The following ALDH1B1 variants were observed in gnomAD, a reference collection of about 807,000 sequenced individuals.
ALDH1B1 encodes aldehyde dehydrogenase family 1 member B1, mitochondrial.
In ALDH1B1, 19 loss-of-function variants were observed where a neutral mutation model predicts 26.2. The observed-to-expected ratio is 0.72, with a 90% CI of 0.51 to 1.06. ALDH1B1 has a LOEUF of 1.06. Among genes scored for constraint, ALDH1B1 ranks in the 50% least tolerant of loss-of-function variants. The pLI, the probability that ALDH1B1 is intolerant of heterozygous loss-of-function variation, is 0.00. For synonymous variants in ALDH1B1, 249 were observed against 286.0 expected (o/e 0.87, Z 1.31); for missense variants, 671 against 683.1 (o/e 0.98, Z 0.20).
chr9:38,395,943 T>C lies in ALDH1B1; in HGVS notation c.195T>C (p.Ile65=), dbSNP rs2228094. The change falls in exon 2 of 2, where the codon ATT becomes ATC. Residue 65 remains isoleucine (I), a synonymous_variant. Transcript: ENST00000377698. ...TCAACCCTACCACCGGGGAGGTCAT[T>C]GGGCACGTGGCTGAAGGTGACCGGG... is the stretch of plus-strand genomic sequence containing the variant. ...PTVNPTTGEV[I]GHVAEGDRAD... 0.96 allele frequency: 1,541,815 copies of C among 1,613,730 alleles called. 737,048 individuals carry two copies. Among genetic ancestry groups the C allele is most frequent in the East Asian group, 1 (44,861 of 44,862 alleles).
Position 38,396,721 on chromosome 9 carries a change from A to C in ALDH1B1, c.973A>C (p.Thr325Pro), listed in dbSNP as rs903557686. Residue 325 changes from threonine (T) to proline (P), a missense_variant, in exon 2 of 2, where the codon ACC becomes CCC. Transcript: ENST00000377698. ...CCAGTGCTGCTGTGCTGGCTCCCGG[A>C]CCTTCGTGGAAGAATCCATCTACAA... ...MGQCCCAGSR[T>P]FVEESIYNEF... 3 of 1,614,184 alleles carry C rather than the reference A, an allele frequency of 1.9e-6. No individual in the cohort carries two copies. In the Admixed American group the frequency reaches 5.0e-5, roughly 27 times the overall value.
chr9:38,394,070 G>A (rs1821235664), intron 1 of ALDH1B1, among the ~76,000 whole-genome samples: 1 of 152,128 alleles, frequency 6.6e-6, no homozygotes, highest in African/African-American at 2.4e-5. Flanking sequence ...CCAGCCAATG[G>A]GGAAAGGGTA....
intron 1 of ALDH1B1, among the ~76,000 whole-genome samples, chr9:38,393,823 C>CCCTTTTTTTTTTTTTTTTT (rs201502708): frequency 6.7e-6 from 1 of 148,574 alleles, no homozygotes; most frequent in Non-Finnish European, 1.5e-5. Flanking sequence ...GTATCCCCCC[C>CCCTTTTTTTTTTTTTTTTT]TTTTTTTTTT....
In ALDH1B1 at chr9:38,392,725, C is replaced by G; in HGVS notation, c.-92C>G. ...GCGGAGGCGGGACCTGCGGCCAGCC[C>G]TGGGCGGCCATGTGGACAGAGCTGG... On this transcript the variant is annotated 5_prime_UTR_variant, in exon 1 of 2. Coordinates refer to ENST00000377698, the MANE Select transcript of ALDH1B1 (RefSeq NM_000692.5). 1.0e-6 allele frequency: 1 copy of G among 985,612 alleles called. No homozygotes were observed. Among genetic ancestry groups the G allele is most frequent in the Non-Finnish European group, 1.2e-6 (1 of 830,064 alleles). The allele number at this position is 985,612 out of a possible 1,614,324, so 61.1% of individuals were successfully genotyped here.
Position 38,396,500 on chromosome 9 carries a change from A to G in ALDH1B1, c.752A>G (p.Gln251Arg). ...CCAACAGCAGGTGCGGCCATCGCCC[A>G]GCACGTGGATGTTGACAAAGTTGCC... ...YGPTAGAAIA[Q>R]HVDVDKVAFT... The change falls in exon 2 of 2, where the codon CAG (glutamine) becomes CGG (arginine). Residue 251 changes from glutamine to arginine, a missense_variant. Physicochemically the swap from Gln to Arg is conservative, Grantham distance 43 (BLOSUM62 1). Coordinates refer to ENST00000377698, the MANE Select transcript of ALDH1B1 (RefSeq NM_000692.5). The G allele has an allele frequency of 1.2e-6, 2 of 1,613,980 alleles. No homozygotes were observed.
chr9:38,396,119 C>A lies in ALDH1B1; in HGVS notation c.371C>A (p.Thr124Asn). 1 of 1,614,192 alleles carries A rather than the reference C, an allele frequency of 6.2e-7. No individual in the cohort carries two copies. The highest frequency in any genetic ancestry group is 1.3e-5 in the African/African-American group (1 of 75,050). The change falls in exon 2 of 2, where the codon ACC (threonine) becomes AAC (asparagine). Residue 124 changes from threonine (T) to asparagine (N), a missense_variant. By Grantham distance (65) the Thr-to-Asn change is moderately conservative (BLOSUM62 0). Transcript: ENST00000377698. ...CGAGTCTACTTGGCCTCACTCGAGA[C>A]CTTGGACAATGGGAAGCCTTTCCAA... ...RDRVYLASLE[T>N]LDNGKPFQES... is the part of the protein sequence containing the mutation.
Position 38,396,959 on chromosome 9 carries a change from G to C in ALDH1B1, c.1211G>C (p.Gly404Ala), listed in dbSNP as rs545758854. The change falls in exon 2 of 2, where the codon GGT becomes GCT. Residue 404 changes from glycine (G) to alanine (A), a missense_variant. Coordinates refer to ENST00000377698, the MANE Select transcript of ALDH1B1 (RefSeq NM_000692.5). The stretch of plus-strand genomic sequence containing the variant: ...TTCTTCATCAAGCCTACTGTCTTTG[G>C]TGGCGTGCAGGATGACATGAGAATT... ...RGFFIKPTVF[G>A]GVQDDMRIAK... 6.2e-7 allele frequency: 1 copy of C among 1,614,186 alleles called. No individual in the cohort carries two copies. Among genetic ancestry groups the C allele is most frequent in the South Asian group, 1.1e-5 (1 of 91,082 alleles).
rs1480635110 is a variant in ALDH1B1 at position 38,397,420 on chromosome 9, G to T, written c.*118G>T. 3.0e-6 allele frequency: 4 copies of T among 1,336,154 alleles called. No individual in the cohort carries two copies. Among genetic ancestry groups the T allele is most frequent in the Non-Finnish European group, 4.0e-6 (4 of 996,768 alleles). 82.8% of individuals were successfully genotyped at this position (1,336,154 alleles called of 1,614,324 possible). ...TTTCTTTGTTCCAAATTAACTCTTAGAAGAAACCCCACAAATAAAGCAATT... is the reference window on the plus strand; with the variant it reads ...TTTCTTTGTTCCAAATTAACTCTTATAAGAAACCCCACAAATAAAGCAATT... On this transcript the variant is annotated 3_prime_UTR_variant, in exon 2 of 2. Transcript: ENST00000377698.
Position 38,397,475 on chromosome 9 carries a change from A to T in ALDH1B1, c.*173A>T. 1 of 1,005,874 alleles carries T rather than the reference A, an allele frequency of 9.9e-7. No individual in the cohort carries two copies. Among genetic ancestry groups the T allele is most frequent in the Non-Finnish European group, 1.4e-6 (1 of 702,168 alleles). 62.3% of individuals were successfully genotyped at this position (1,005,874 alleles called of 1,614,324 possible). On this transcript the variant is annotated 3_prime_UTR_variant, in exon 2 of 2. Coordinates refer to ENST00000377698, the MANE Select transcript of ALDH1B1 (RefSeq NM_000692.5). ...CAAGGCTGTTCTATTTAAATCAGAG[A>T]TGGGGACCAGGCTCAGAGTTCTACC...
chr9:38,395,371 G>C (rs1472537954), intron 1 of ALDH1B1, among the ~76,000 whole-genome samples: 1 of 152,196 alleles, frequency 6.6e-6, no homozygotes, highest in Non-Finnish European at 1.5e-5. Flanking sequence ...GGGGGAGACA[G>C]ACAAACATAT....
At chr9:38,395,710 T>A (rs369811934) in intron 1 of ALDH1B1, 30 bp from the exon 2 acceptor site, 801 of 1,537,076 alleles carry the variant, frequency 5.2e-4, no homozygotes, top group Non-Finnish European at 6.6e-4. Flanking sequence ...CTCCCACCTG[T>A]TCACCCTGGT....
In ALDH1B1 at chr9:38,397,163, C is replaced by T. The variant is rs863223907; in HGVS notation, c.1415C>T (p.Thr472Ile). The change falls in exon 2 of 2, where the codon ACC (threonine) becomes ATC (isoleucine). Residue 472 changes from threonine (T) to isoleucine (I), a missense_variant. Coordinates refer to ENST00000377698, the MANE Select transcript of ALDH1B1 (RefSeq NM_000692.5). ...ALQAGTVWVN[T>I]YNIVTCHTPF... ...CAGGCCGGGACCGTGTGGGTAAACA[C>T]CTACAACATCGTCACCTGCCACACG... 3.1e-6 allele frequency: 5 copies of T among 1,614,028 alleles called. No homozygotes were observed. In the Admixed American group the frequency reaches 5.0e-5, roughly 16 times the overall value.
Position 38,397,510 on chromosome 9 carries a change from C to T in ALDH1B1, c.*208C>T. On this transcript the variant is annotated 3_prime_UTR_variant, in exon 2 of 2. Coordinates refer to ENST00000377698, the MANE Select transcript of ALDH1B1 (RefSeq NM_000692.5). ...GGCTCAGAGTTCTACCTATCTAACC[C>T]CCAACCACAGCCCCCTTGGTGGCCC... The T allele has an allele frequency of 1.4e-6, 1 of 713,060 alleles. No homozygotes were observed. Among genetic ancestry groups the T allele is most frequent in the South Asian group, 2.4e-5 (1 of 41,116 alleles). 44.2% of individuals were successfully genotyped at this position (713,060 alleles called of 1,614,324 possible). A position where few individuals can be genotyped will look rare whatever the true frequency, so the allele number is the denominator to read the frequency against.
chr9:38,396,305 A>T lies in ALDH1B1; in HGVS notation c.557A>T (p.Asn186Ile). ...GTCTGTGGCCAGATCATCCCGTGGA[A>T]CTTCCCCTTGGTCATGCAGGGTTGG... ...VGVCGQIIPWNFPLVMQGWKL... is the reference protein window; with the variant it reads ...VGVCGQIIPWIFPLVMQGWKL... The change falls in exon 2 of 2, where the codon AAC becomes ATC. Residue 186 changes from asparagine (N) to isoleucine (I), a missense_variant. Coordinates refer to ENST00000377698, the MANE Select transcript of ALDH1B1 (RefSeq NM_000692.5). The T allele has an allele frequency of 1.2e-6, 2 of 1,614,086 alleles. No homozygotes were observed. The highest frequency in any genetic ancestry group is 1.7e-6 in the Non-Finnish European group (2 of 1,180,012).
rs201118307 is a variant in ALDH1B1 at position 38,396,928 on chromosome 9, C to T, written c.1180C>T (p.Arg394Cys). The change falls in exon 2 of 2, where the codon CGT (arginine) becomes TGT (cysteine). Residue 394 changes from arginine to cysteine, a missense_variant. Arg to Cys is a radical substitution (Grantham distance 180, BLOSUM62 -3). Coordinates refer to ENST00000377698, the MANE Select transcript of ALDH1B1 (RefSeq NM_000692.5). ...CTGTGGCGGAGAGCGTTTCGGGGAG[C>T]GTGGTTTCTTCATCAAGCCTACTGT... is the stretch of plus-strand genomic sequence containing the variant. ...LLCGGERFGE[R>C]GFFIKPTVFG... The T allele has an allele frequency of 5.6e-6, 9 of 1,614,108 alleles. No homozygotes were observed. The East Asian group carries it at 8.9e-5, about 16-fold the overall frequency.
At position 38,396,694 on chromosome 9, in the gene ALDH1B1, G is replaced by A; in HGVS notation, c.946G>A (p.Gly316Ser). 6.2e-7 allele frequency: 1 copy of A among 1,614,170 alleles called. No individual in the cohort carries two copies. The highest frequency in any genetic ancestry group is 8.5e-7 in the Non-Finnish European group (1 of 1,180,036). ...CCACGAAGCCCTGTTCTTCAACATG[G>A]GCCAGTGCTGCTGTGCTGGCTCCCG... ...QCHEALFFNM[G>S]QCCCAGSRTF... The change falls in exon 2 of 2, where the codon GGC (glycine) becomes AGC (serine). Residue 316 changes from glycine (G) to serine (S), a missense_variant. By Grantham distance (56) the Gly-to-Ser change is moderately conservative. Coordinates refer to ENST00000377698, the MANE Select transcript of ALDH1B1 (RefSeq NM_000692.5).
chr9:38,397,863 A>G lies in ALDH1B1; in HGVS notation c.*561A>G, dbSNP rs1202207972. 2.4e-5 allele frequency: 4 copies of G among 167,908 alleles called. No individual in the cohort carries two copies. Among genetic ancestry groups the G allele is most frequent in the Non-Finnish European group, 1.5e-5 (1 of 68,720 alleles). 10.4% of individuals were successfully genotyped at this position (167,908 alleles called of 1,614,324 possible). A position where few individuals can be genotyped will look rare whatever the true frequency, so the allele number is the denominator to read the frequency against. On this transcript the variant is annotated 3_prime_UTR_variant, in exon 2 of 2. Coordinates refer to ENST00000377698, the MANE Select transcript of ALDH1B1 (RefSeq NM_000692.5). ...TTAATTTGTGGGAAGGAGTAGGCAA[A>G]GAATATGCTTACATGATTACACCTG...
rs768446796 is a variant in ALDH1B1 at position 38,397,198 on chromosome 9, G to C, written c.1450G>C (p.Gly484Arg). 1.2e-5 allele frequency: 19 copies of C among 1,614,080 alleles called. No individual in the cohort carries two copies. Among genetic ancestry groups the C allele is most frequent in the Non-Finnish European group, 1.6e-5 (19 of 1,180,050 alleles). The change falls in exon 2 of 2, where the codon GGG (glycine) becomes CGG (arginine). Residue 484 changes from glycine to arginine, a missense_variant. Coordinates refer to ENST00000377698, the MANE Select transcript of ALDH1B1 (RefSeq NM_000692.5). ...CGTCACCTGCCACACGCCATTTGGA[G>C]GGTTTAAGGAATCTGGAAACGGGAG... ...NIVTCHTPFG[G>R]FKESGNGREL...
At position 38,396,050 on chromosome 9, in the gene ALDH1B1, G is replaced by A. The variant is rs754908083; in HGVS notation, c.302G>A (p.Arg101Gln). Reference sequence around the variant, plus strand: ...TGGCGCCGGATGGATGCCTCTGAGCGGGGCCGGCTGCTGAACCGCCTGGCA... The same window carrying A: ...TGGCGCCGGATGGATGCCTCTGAGCAGGGCCGGCTGCTGAACCGCCTGGCA... ...SPWRRMDASERGRLLNRLADL... is the reference protein window; with the variant it reads ...SPWRRMDASEQGRLLNRLADL... Residue 101 changes from arginine to glutamine, a missense_variant, in exon 2 of 2, where the codon CGG becomes CAG. Transcript: ENST00000377698. 25 of 1,613,850 alleles carry A rather than the reference G, an allele frequency of 1.5e-5. No individual in the cohort carries two copies. The highest frequency in any genetic ancestry group is 1.1e-4 in the African/African-American group (8 of 74,936).
Sources: gnomAD v4.1 joint callset for allele counts (sites outside exome capture counted in the v4.1 genomes callset) on GRCh38, gnomAD v4.1.1 for gene constraint, MANE v1.5 for transcripts, NCBI Gene and HGNC (gene_info 2026-07-23, HGNC 2026-07-21) for gene names.